Variants in DLGAP5 observed in about 807,000 individuals in gnomAD.
DLGAP5 encodes DLG associated protein 5.
In DLGAP5, 90 loss-of-function variants were observed where a neutral mutation model predicts 99.6. That is an observed-to-expected ratio of 0.90 (90% CI 0.76 to 1.08). The LOEUF (loss-of-function observed/expected upper bound fraction) is 1.08. DLGAP5 is among the 50% of genes least tolerant of loss of function. The probability of loss-of-function intolerance (pLI) is 0.00; values close to 1 mark genes in which losing one functional copy is unlikely to be tolerated. For missense variants in DLGAP5, 1,036 were observed against 983.5 expected, an observed-to-expected ratio of 1.05 and a Z score of -0.71; for synonymous variants, 311 against 321.3, an observed-to-expected ratio of 0.97 and a Z score of 0.34.
At chr14:55,187,538 C>T (rs1203756761) in intron 2 of DLGAP5, among the ~76,000 whole-genome samples, 2 of 151,832 alleles carry the variant, frequency 1.3e-5, no homozygotes, top group East Asian at 1.9e-4. Context: ...AGGCTGGTTT[C>T]GAACTCTTGA....
At chr14:55,174,726 C>G (rs1882994271) in intron 10 of DLGAP5, among the ~76,000 whole-genome samples, 1 of 151,634 alleles carries the variant, frequency 6.6e-6, no homozygotes, top group East Asian at 1.9e-4. Flanking sequence ...GAGTCTCACT[C>G]TGTTGCCAGG....
intron 18 of DLGAP5, among the ~76,000 whole-genome samples, chr14:55,150,052 C>CA (rs559049001): frequency 0.022 from 2,040 of 93,144 alleles, 37 homozygotes; most frequent in African/African-American, 0.053. Flanking sequence ...AACTCTGTCT[C>CA]AAAAAAAAAA....
intron 6 of DLGAP5, among the ~76,000 whole-genome samples, chr14:55,180,264 AT>A (rs1374154804): frequency 6.6e-6 from 1 of 152,176 alleles, no homozygotes; most frequent in African/African-American, 2.4e-5. Context: ...ACATATTCCC[AT>A]AATGCTTTTT....
At chr14:55,173,331 C>T (rs1227988676) in intron 10 of DLGAP5, among the ~76,000 whole-genome samples, 3 of 150,948 alleles carry the variant, frequency 2.0e-5, no homozygotes, top group African/African-American at 7.3e-5. Flanking sequence ...CACCCACTGG[C>T]AGGAGGATGG....
intron 1 of DLGAP5, among the ~76,000 whole-genome samples, chr14:55,190,161 G>C: frequency 6.6e-6 from 1 of 152,162 alleles, no homozygotes; most frequent in South Asian, 2.1e-4. Context: ...AGGCCGGCAC[G>C]GTGGCTTAGG....
At chr14:55,169,348 A>G in intron 12 of DLGAP5, 51 bp downstream of exon 12, 1 of 1,261,668 alleles carries the variant, frequency 7.9e-7, no homozygotes, top group Non-Finnish European at 1.0e-6. Flanking sequence ...TACTTAAAAA[A>G]AAAAAAAAAA....
In DLGAP5 at chr14:55,154,702, T is replaced by C; in HGVS notation, c.1978A>G (p.Thr660Ala). Residue 660 changes from threonine to alanine, a missense_variant, in exon 15 of 19, where the codon ACT becomes GCT. Physicochemically the swap from Thr to Ala is moderately conservative, Grantham distance 58. Coordinates refer to ENST00000247191, the MANE Select transcript of DLGAP5 (RefSeq NM_014750.5). ...SRNEMGIPQQ[T>A]TSPENAGPQN... ...GGACCGGCATTTTCTGGTGATGTAG[T>C]TTGTTGTGGAATGCCCATCTCATTT... The C allele has an allele frequency of 6.2e-7, 1 of 1,614,062 alleles. No individual in the cohort carries two copies. The highest frequency in any genetic ancestry group is 1.3e-5 in the African/African-American group (1 of 75,032).
chr14:55,180,248 A>G (rs1017855605), intron 6 of DLGAP5, among the ~76,000 whole-genome samples: 4 of 152,176 alleles, frequency 2.6e-5, no homozygotes, highest in African/African-American at 9.7e-5. Flanking sequence ...TTCCAGTCCT[A>G]TGTCCACATA....
intron 16 of DLGAP5, among the ~76,000 whole-genome samples, 188 bp from the exon 17 acceptor site, chr14:55,152,129 T>G (rs952473145): frequency 6.6e-6 from 1 of 152,210 alleles, no homozygotes; most frequent in Non-Finnish European, 1.5e-5. Flanking sequence ...AGAAATAGTA[T>G]GATTGAAGGC....
chr14:55,174,225 A>G (rs951900301), intron 10 of DLGAP5, among the ~76,000 whole-genome samples: 1 of 152,226 alleles, frequency 6.6e-6, no homozygotes, highest in Non-Finnish European at 1.5e-5. Context: ...AATAGACCCC[A>G]GTCTCCCATA....
intron 14 of DLGAP5, among the ~76,000 whole-genome samples, chr14:55,155,577 ACCTCAGG>A (rs1882187285): frequency 6.6e-6 from 1 of 151,244 alleles, no homozygotes; most frequent in Non-Finnish European, 1.5e-5. Context: ...CGAACTCCTG[ACCTCAGG>A]TGATCCACCT....
chr14:55,176,077 A>G (rs1216897309), intron 8 of DLGAP5, 59 bp from the exon 9 acceptor site: 2 of 1,437,872 alleles, frequency 1.4e-6, no homozygotes, highest in African/African-American at 1.4e-5. Flanking sequence ...TCTAATATAA[A>G]GGGTTTCAAA....
chr14:55,174,977 C>T (rs955782896), intron 10 of DLGAP5, among the ~76,000 whole-genome samples: 1 of 152,190 alleles, frequency 6.6e-6, no homozygotes, highest in Non-Finnish European at 1.5e-5. Context: ...GCGTGAGCCA[C>T]CGCGCCCAGC....
chr14:55,150,624 ATATTT>A (rs1403440216), intron 18 of DLGAP5, 170 bp downstream of exon 18: 6 of 443,556 alleles, frequency 1.4e-5, no homozygotes, highest in Non-Finnish European at 2.0e-5. Context: ...AAAACATACT[ATATTT>A]TAAAGTATAT....
At chr14:55,158,886 A>G in intron 13 of DLGAP5, 145 bp from the exon 14 acceptor site, 1 of 644,222 alleles carries the variant, frequency 1.6e-6, no homozygotes, top group Non-Finnish European at 2.6e-6. Flanking sequence ...ATATTTATCA[A>G]GTTCCTAGTA....
chr14:55,152,763 G>T, intron 15 of DLGAP5, 116 bp from the exon 16 acceptor site: 2 of 825,242 alleles, frequency 2.4e-6, no homozygotes, highest in Non-Finnish European at 3.5e-6. Flanking sequence ...CAAACATGGA[G>T]CCTGGTGCAA....
intron 10 of DLGAP5, among the ~76,000 whole-genome samples, chr14:55,173,292 A>C (rs910973182): frequency 2.6e-5 from 4 of 151,048 alleles, no homozygotes; most frequent in East Asian, 1.9e-4. Context: ...AAAAAACAAA[A>C]AAAAAAACAC....
At chr14:55,170,500 C>T (rs976040209) in intron 11 of DLGAP5, among the ~76,000 whole-genome samples, 1 of 152,098 alleles carries the variant, frequency 6.6e-6, no homozygotes, top group African/African-American at 2.4e-5. Context: ...ACCATTTTAG[C>T]ACAGATGTTA....
At chr14:55,188,835 A>G in intron 2 of DLGAP5, 107 bp downstream of exon 2, 2 of 734,644 alleles carry the variant, frequency 2.7e-6, no homozygotes, top group South Asian at 3.6e-5. Context: ...TATTTATAGA[A>G]TGGTATTTCA....
Sources: gnomAD v4.1 joint callset for allele counts (sites outside exome capture counted in the v4.1 genomes callset) on GRCh38, gnomAD v4.1.1 for gene constraint, MANE v1.5 for transcripts, NCBI Gene and HGNC (gene_info 2026-07-23, HGNC 2026-07-21) for gene names.